RNLS: variants seen among roughly 807,000 people sequenced by gnomAD.
RNLS encodes the protein renalase, FAD dependent amine oxidase.
In RNLS, 39 loss-of-function variants were observed where a neutral mutation model predicts 39.8. The ratio of observed to expected loss-of-function variants is 0.98; its 90% CI spans 0.76 to 1.28. RNLS has a LOEUF of 1.28. Ranked by LOEUF, RNLS falls within the 50% of genes most tolerant of loss-of-function variation. RNLS has a pLI of 0.00. For missense variants in RNLS, 410 were observed against 413.3 expected, an observed-to-expected ratio of 0.99 and a Z score of 0.07; for synonymous variants, 147 against 150.7, an observed-to-expected ratio of 0.98 and a Z score of 0.18.
intron 4 of RNLS, among the ~76,000 whole-genome samples, chr10:88,474,756 C>T (rs1207938801): frequency 6.6e-6 from 1 of 151,992 alleles, no homozygotes; most frequent in Non-Finnish European, 1.5e-5. Flanking sequence ...GGTGTAATAC[C>T]TGACTCAGAG....
At chr10:88,365,516 AACACACACACACAC>A (rs61386966) in intron 4 of RNLS, among the ~76,000 whole-genome samples, 134 of 145,904 alleles carry the variant, frequency 9.2e-4, no homozygotes, top group East Asian at 1.6e-3. Flanking sequence ...AGGATTATAT[AACACACACACACAC>A]ACACACACAC....
intron 4 of RNLS, among the ~76,000 whole-genome samples, chr10:88,560,361 G>A (rs1404260043): frequency 1.3e-5 from 2 of 151,778 alleles, no homozygotes; most frequent in African/African-American, 4.8e-5. Context: ...ATTTAAAGAA[G>A]CCACCAGGAA....
At chr10:88,575,173 CACACACATATT>C (rs1772050851) in intron 3 of RNLS, among the ~76,000 whole-genome samples, 5 of 127,568 alleles carry the variant, frequency 3.9e-5, no homozygotes, top group African/African-American at 1.5e-4. Flanking sequence ...CACACACACA[CACACACATATT>C]ATATATATAT....
chr10:88,535,491 A>G (rs966268995), intron 4 of RNLS, among the ~76,000 whole-genome samples: 1 of 152,096 alleles, frequency 6.6e-6, no homozygotes, highest in Non-Finnish European at 1.5e-5. Flanking sequence ...TGCTGGGCTT[A>G]ATACCTAGGA....
chr10:88,519,982 G>A (rs1174292800), intron 4 of RNLS, among the ~76,000 whole-genome samples: 20 of 151,826 alleles, frequency 1.3e-4, no homozygotes, highest in Non-Finnish European at 1.5e-5. Flanking sequence ...GTTGCATTCT[G>A]GCCAGTGAAC....
chr10:88,231,449 G>C, the RNLS span, among the ~76,000 whole-genome samples: 1 of 152,136 alleles, frequency 6.6e-6, no homozygotes, highest in Admixed American at 6.5e-5. Context: ...TATGCCACCA[G>C]TGTGTGTGTG....
the RNLS span, among the ~76,000 whole-genome samples, chr10:88,227,608 G>A: frequency 6.6e-6 from 1 of 152,232 alleles, no homozygotes; most frequent in Non-Finnish European, 1.5e-5. Context: ...AGCTAATTTA[G>A]TTAAAGGACT....
intron 5 of RNLS, among the ~76,000 whole-genome samples, chr10:88,326,218 G>A (rs1846597797): frequency 6.6e-6 from 1 of 152,206 alleles, no homozygotes; most frequent in Non-Finnish European, 1.5e-5. Context: ...ACAGGCAGAG[G>A]TTGGAACAGT....
chr10:88,197,837 G>A, the RNLS span, among the ~76,000 whole-genome samples: 3,349 of 152,250 alleles, frequency 0.022, 47 homozygotes, highest in Middle Eastern at 0.037. Context: ...GTGAGAAGGC[G>A]GCTATCTACA....
intron 5 of RNLS, among the ~76,000 whole-genome samples, chr10:88,338,405 A>G (rs1847664876): frequency 6.6e-6 from 1 of 152,244 alleles, no homozygotes; most frequent in African/African-American, 2.4e-5. Flanking sequence ...TAGCTCTGCT[A>G]CTATCTAACG....
chr10:88,583,085 C>T lies in RNLS; in HGVS notation c.106G>A (p.Ala36Thr). The T allele has an allele frequency of 6.2e-7, 1 of 1,613,692 alleles. No homozygotes were observed. Among genetic ancestry groups the T allele is most frequent in the Non-Finnish European group, 8.5e-7 (1 of 1,179,792 alleles). Residue 36 changes from alanine (A) to threonine (T), a missense_variant, in exon 1 of 7, where the codon GCT (alanine) becomes ACT (threonine). Ala to Thr is a moderately conservative substitution (Grantham distance 58, BLOSUM62 0). Coordinates refer to ENST00000331772, the MANE Select transcript of RNLS (RefSeq NM_001031709.3). ...TTAGACAACCCACCTGAGTCCTCAG[C>T]CTTGTCCCACACAGCAAGGTACAAG... is the stretch of plus-strand genomic sequence containing the variant. ...GPLYLAVWDK[A>T]EDSGGRMTTA...
At chr10:88,455,698 G>A (rs959451018) in intron 4 of RNLS, among the ~76,000 whole-genome samples, 1 of 151,996 alleles carries the variant, frequency 6.6e-6, no homozygotes, top group Non-Finnish European at 1.5e-5. Flanking sequence ...GAGCCACCAC[G>A]CCTGGCCTGT....
At chr10:88,326,038 C>T (rs1331974084) in intron 5 of RNLS, among the ~76,000 whole-genome samples, 2 of 152,194 alleles carry the variant, frequency 1.3e-5, no homozygotes, top group Non-Finnish European at 2.9e-5. Flanking sequence ...GCCTCCCCAG[C>T]CATGCAAAAC....
intron 5 of RNLS, among the ~76,000 whole-genome samples, chr10:88,355,025 A>G (rs964035795): frequency 1.3e-5 from 2 of 152,108 alleles, no homozygotes; most frequent in Non-Finnish European, 2.9e-5. Flanking sequence ...AAGCTTGTGC[A>G]TTCGTCACGT....
the RNLS span, among the ~76,000 whole-genome samples, chr10:88,176,650 G>T: frequency 6.6e-6 from 1 of 151,958 alleles, no homozygotes; most frequent in Non-Finnish European, 1.5e-5. Context: ...AATAATATTT[G>T]ACTCTTTCCT....
intron 4 of RNLS, among the ~76,000 whole-genome samples, chr10:88,504,697 C>T (rs1845688415): frequency 6.6e-6 from 1 of 152,054 alleles, no homozygotes; most frequent in Admixed American, 6.6e-5. Flanking sequence ...AGCACTCAGA[C>T]TGTATACACT....
At chr10:88,579,018 T>C (rs554262037) in intron 3 of RNLS, among the ~76,000 whole-genome samples, 27 of 152,228 alleles carry the variant, frequency 1.8e-4, no homozygotes, top group South Asian at 6.2e-4. Context: ...ACAAAAGGCA[T>C]ACTAATATGA....
chr10:88,356,517 C>T (rs1472413077), intron 5 of RNLS, among the ~76,000 whole-genome samples: 2 of 152,152 alleles, frequency 1.3e-5, no homozygotes, highest in African/African-American at 4.8e-5. Context: ...ATATTATGTC[C>T]TTCTTTTTAT....
chr10:88,347,370 T>G (rs1325778151), intron 5 of RNLS, among the ~76,000 whole-genome samples: 1 of 152,162 alleles, frequency 6.6e-6, no homozygotes, highest in Non-Finnish European at 1.5e-5. Context: ...TCTGAACAGA[T>G]TGACATGGTG....
Sources: allele counts gnomAD v4.1 joint callset (sites outside exome capture counted in the v4.1 genomes callset), GRCh38; gene constraint gnomAD v4.1.1; transcripts MANE v1.5; gene names NCBI Gene and HGNC (gene_info 2026-07-23, HGNC 2026-07-21).